PARP12: variants seen among roughly 807,000 people sequenced by gnomAD.
The protein encoded by PARP12 is poly(ADP-ribose) polymerase family member 12.
In PARP12, 59 loss-of-function variants were observed where a neutral mutation model predicts 72.4. That is an observed-to-expected ratio of 0.81 (90% CI 0.66 to 1.01). The LOEUF (loss-of-function observed/expected upper bound fraction) is 1.01, where lower values mean the gene tolerates loss of function less well. PARP12 is among the 50% of genes least tolerant of loss of function. PARP12 has a pLI of 0.00. For missense variants in PARP12, 851 were observed against 914.0 expected (o/e 0.93, Z 0.89); for synonymous variants, 403 against 371.4 (o/e 1.09, Z -0.98).
In PARP12 at chr7:140,062,765, C is replaced by T; in HGVS notation, c.83G>A (p.Arg28His). 5 of 1,391,664 alleles carry T rather than the reference C, an allele frequency of 3.6e-6. 1 individual carries two copies. In the South Asian group the frequency reaches 4.3e-5, roughly 12 times the overall value. The allele number at this position is 1,391,664 out of a possible 1,614,324, so 86.2% of individuals were successfully genotyped here. A position where few individuals can be genotyped will look rare whatever the true frequency, so the allele number is the denominator to read the frequency against. The change falls in exon 1 of 12, where the codon CGC becomes CAC. Residue 28 changes from arginine to histidine, a missense_variant. By Grantham distance (29) the Arg-to-His change is conservative. Transcript: ENST00000263549. ...GGALELPELR[R>H]RLRMGLSADA... The stretch of plus-strand genomic sequence containing the variant: ...GGCGCTCAAGCCCATCCGCAAGCGG[C>T]GCCGCAGCTCGGGCAACTCCAGGGC...
intron 6 of PARP12, among the ~76,000 whole-genome samples, chr7:140,040,061 C>T (rs1032247767): frequency 4.6e-5 from 7 of 152,212 alleles, no homozygotes; most frequent in African/African-American, 1.7e-4. Flanking sequence ...TGTGTCATCT[C>T]ATTCAGCAAC....
intron 1 of PARP12, among the ~76,000 whole-genome samples, chr7:140,061,994 G>A (rs868165306): frequency 1.3e-5 from 2 of 149,118 alleles, no homozygotes; most frequent in Admixed American, 6.6e-5. Context: ...GGGGGGGGGG[G>A]GGTGTTCCAG....
chr7:140,060,135 G>T (rs568361981), intron 1 of PARP12, among the ~76,000 whole-genome samples: 1 of 152,292 alleles, frequency 6.6e-6, no homozygotes, highest in East Asian at 1.9e-4. Context: ...AGCCTGTGAG[G>T]GTAGTAATAT....
At chr7:140,035,862 G>GGGAAGAGGAAGAGGAGGAGGAGGA (rs1816130919) in intron 7 of PARP12, among the ~76,000 whole-genome samples, 1 of 145,030 alleles carries the variant, frequency 6.9e-6, no homozygotes, top group African/African-American at 2.6e-5. Flanking sequence ...GAGGAGGAGG[G>GGGAAGAGGAAGAGGAGGAGGAGGA]GGAAGAGGAA....
intron 6 of PARP12, among the ~76,000 whole-genome samples, chr7:140,038,929 G>A (rs940869400): frequency 3.3e-5 from 5 of 152,188 alleles, no homozygotes; most frequent in South Asian, 2.1e-4. Flanking sequence ...CAGGTCTCAC[G>A]GGTGCTCTAG....
chr7:140,034,335 A>C lies in PARP12; in HGVS notation c.1325-4T>G. On this transcript the variant is annotated splice_polypyrimidine_tract_variant and splice_region_variant and intron_variant, in intron 7 of 11. Coordinates refer to ENST00000263549, the MANE Select transcript of PARP12 (RefSeq NM_022750.4). The stretch of plus-strand genomic sequence containing the variant: ...ACCAGGTTTTTCTGAACGAAGGCTG[A>C]AAAAAAACATAACCAGTGAAAAAAT... 6.2e-7 allele frequency: 1 copy of C among 1,602,648 alleles called. No homozygotes were observed.
chr7:140,027,395 A>C lies in PARP12; in HGVS notation c.1509T>G (p.Leu503=). The change falls in exon 10 of 12, where the codon CTT becomes CTG. Residue 503 remains leucine, a synonymous_variant. Coordinates refer to ENST00000263549, the MANE Select transcript of PARP12 (RefSeq NM_022750.4). ...LPDPGFQKIT[L]SSSSEEYQKV... The stretch of plus-strand genomic sequence containing the variant: ...TCTGATACTCTTCCGAGGAAGAACT[A>C]AGGGTGATCTTCTGCAAGGGGCAAA... 1.2e-6 allele frequency: 2 copies of C among 1,613,912 alleles called. No homozygotes were observed. The highest frequency in any genetic ancestry group is 1.7e-6 in the Non-Finnish European group (2 of 1,179,834).
chr7:140,025,988 A>G (rs927273445), intron 11 of PARP12, among the ~76,000 whole-genome samples: 4 of 152,216 alleles, frequency 2.6e-5, no homozygotes, highest in Admixed American at 6.5e-5. Flanking sequence ...TAGGCAGGCC[A>G]CCCTGCCCAC....
At chr7:140,055,608 T>C (rs903677657) in intron 3 of PARP12, among the ~76,000 whole-genome samples, 7 of 152,138 alleles carry the variant, frequency 4.6e-5, no homozygotes, top group African/African-American at 1.7e-4. Context: ...CCGAAGGTCA[T>C]CTCCCTCTCT....
chr7:140,057,636 TGA>T (rs773676496), intron 2 of PARP12: 5 of 487,052 alleles, frequency 1.0e-5, no homozygotes, highest in Non-Finnish European at 1.8e-5. Flanking sequence ...TGGAGCACAC[TGA>T]GAGGCTCAGA....
chr7:140,027,250 CCCA>C (rs1332131262), intron 10 of PARP12, 23 bp downstream of exon 10: 2 of 1,606,704 alleles, frequency 1.2e-6, no homozygotes, highest in Non-Finnish European at 1.7e-6. Context: ...GAGTCACCAG[CCCA>C]CCAAGAGCGA....
At chr7:140,026,799 T>TG (rs1283899794) in intron 10 of PARP12, among the ~76,000 whole-genome samples, 1 of 152,166 alleles carries the variant, frequency 6.6e-6, no homozygotes, top group East Asian at 1.9e-4. Context: ...CAACCCCATC[T>TG]GGGGACAGGT....
At chr7:140,056,794 GA>G in intron 3 of PARP12, 61 bp downstream of exon 3, 1 of 1,469,546 alleles carries the variant, frequency 6.8e-7, no homozygotes, top group South Asian at 1.4e-5. Flanking sequence ...TGGAATCCGG[GA>G]ACCCCCAGCC....
intron 11 of PARP12, chr7:140,025,447 A>G: frequency 2.7e-6 from 1 of 368,044 alleles, no homozygotes; most frequent in South Asian, 2.1e-5. Context: ...TGACTAACAA[A>G]GAACTGATGG....
At chr7:140,035,874 A>AGGAGGAGGAGGG (rs1569526831) in intron 7 of PARP12, among the ~76,000 whole-genome samples, 1 of 146,860 alleles carries the variant, frequency 6.8e-6, no homozygotes, top group African/African-American at 2.6e-5. Context: ...GAAGAGGAAG[A>AGGAGGAGGAGGG]GGAGGAGGAA....
rs1325949541 is a variant in PARP12, at chr7:140,062,856, G to C, written c.-9C>G. ...ACGCCGGCCTGGGCCATGGCCGCTG[G>C]GCCTGCTCCCGTCGGACCGCGGGTG... On this transcript the variant is annotated 5_prime_UTR_variant, in exon 1 of 12. Coordinates refer to ENST00000263549, the MANE Select transcript of PARP12 (RefSeq NM_022750.4). The C allele has an allele frequency of 7.7e-7, 1 of 1,299,380 alleles. No homozygotes were observed. The highest frequency in any genetic ancestry group is 2.2e-5 in the South Asian group (1 of 46,400). 80.5% of individuals were successfully genotyped at this position (1,299,380 alleles called of 1,614,324 possible).
At chr7:140,041,885 C>T (rs373029437) in intron 5 of PARP12, 46 bp from the exon 6 acceptor site, 50 of 1,481,004 alleles carry the variant, frequency 3.4e-5, no homozygotes, top group Non-Finnish European at 3.7e-5. Context: ...ACCAGCCAAG[C>T]AGACACAGGT....
intron 9 of PARP12, chr7:140,027,722 G>A (rs1226521117): frequency 1.4e-5 from 3 of 215,710 alleles, no homozygotes; most frequent in African/African-American, 4.5e-5. Flanking sequence ...TACTGATGAT[G>A]TTGAGGATTT....
intron 8 of PARP12, among the ~76,000 whole-genome samples, chr7:140,032,323 G>A (rs1585084821): frequency 6.6e-6 from 1 of 151,334 alleles, no homozygotes; most frequent in Non-Finnish European, 1.5e-5. Flanking sequence ...CCTAACAGTC[G>A]ACCTCCAAAA....
Sources: allele counts gnomAD v4.1 joint callset (sites outside exome capture counted in the v4.1 genomes callset), GRCh38; gene constraint gnomAD v4.1.1; transcripts MANE v1.5; gene names NCBI Gene and HGNC (gene_info 2026-07-23, HGNC 2026-07-21).